DNAH12: variants seen among roughly 807,000 people sequenced by gnomAD.
DNAH12 encodes the protein axonemal beta dynein heavy chain 12.
In DNAH12, 285 loss-of-function variants were observed where a neutral mutation model predicts 371.5. The ratio of observed to expected loss-of-function variants is 0.77; its 90% CI spans 0.70 to 0.85. The LOEUF (loss-of-function observed/expected upper bound fraction) is 0.85, where lower values mean the gene tolerates loss of function less well. Ranked by LOEUF, DNAH12 falls within the 40% of genes least tolerant of loss-of-function variation. The pLI is 0.00. For synonymous variants in DNAH12, 1,200 were observed against 1,213.0 expected (o/e 0.99, Z 0.22); for missense variants, 3,611 against 3,689.4 (o/e 0.98, Z 0.55).
intron 60 of DNAH12, among the ~76,000 whole-genome samples, chr3:57,347,399 T>A (rs2153319020): frequency 6.6e-6 from 1 of 152,182 alleles, no homozygotes; most frequent in Middle Eastern, 3.4e-3. Context: ...TAAAACCATA[T>A]GATCCTATCA....
chr3:57,308,604 TCAA>T (rs2061519998), intron 69 of DNAH12, among the ~76,000 whole-genome samples: 1 of 152,162 alleles, frequency 6.6e-6, no homozygotes, highest in South Asian at 2.1e-4. Flanking sequence ...TTCACCATTC[TCAA>T]CTACTCATAA....
At chr3:57,447,996 G>A (rs1575613360) in intron 25 of DNAH12, among the ~76,000 whole-genome samples, 1 of 152,114 alleles carries the variant, frequency 6.6e-6, no homozygotes, top group Non-Finnish European at 1.5e-5. Flanking sequence ...AATTTATAAT[G>A]GATGCCATAT....
chr3:57,526,742 CT>C (rs1210756145), intron 2 of DNAH12, among the ~76,000 whole-genome samples: 3 of 151,880 alleles, frequency 2.0e-5, no homozygotes, highest in Non-Finnish European at 4.4e-5. Flanking sequence ...CCAGGATGGT[CT>C]CGATTTCCTG....
At chr3:57,466,329 A>G (rs969899921) in intron 17 of DNAH12, among the ~76,000 whole-genome samples, 11 of 152,230 alleles carry the variant, frequency 7.2e-5, no homozygotes, top group Non-Finnish European at 1.3e-4. Flanking sequence ...TGAGTTATAC[A>G]GGTGAGAACC....
At chr3:57,371,564 G>T (rs1163145123) in intron 55 of DNAH12, among the ~76,000 whole-genome samples, 4 of 151,852 alleles carry the variant, frequency 2.6e-5, no homozygotes, top group Non-Finnish European at 5.9e-5. Flanking sequence ...TGTAGTTCCA[G>T]CTACATCAGG....
chr3:57,316,382 G>T (rs1189843299), intron 65 of DNAH12, among the ~76,000 whole-genome samples: 2 of 152,008 alleles, frequency 1.3e-5, no homozygotes, highest in African/African-American at 4.8e-5. Context: ...GGTCCTTATT[G>T]CTCTTTCAAC....
chr3:57,479,041 A>T (rs1450680400), intron 13 of DNAH12, among the ~76,000 whole-genome samples: 1 of 152,206 alleles, frequency 6.6e-6, no homozygotes, highest in African/African-American at 2.4e-5. Flanking sequence ...ACCAGCTAAC[A>T]TCTTAATGAC....
intron 32 of DNAH12, among the ~76,000 whole-genome samples, chr3:57,432,575 C>T (rs968302282): frequency 3.3e-5 from 5 of 152,052 alleles, no homozygotes; most frequent in African/African-American, 9.7e-5. Flanking sequence ...TATATTCACA[C>T]ACTAGGATAC....
At chr3:57,381,565 T>A (rs2063391091) in intron 50 of DNAH12, among the ~76,000 whole-genome samples, 1 of 152,134 alleles carries the variant, frequency 6.6e-6, no homozygotes, top group Non-Finnish European at 1.5e-5. Flanking sequence ...CTAATTCTCT[T>A]ATTAGCTTTT....
At chr3:57,526,878 G>A (rs1204601354) in intron 2 of DNAH12, among the ~76,000 whole-genome samples, 1 of 151,642 alleles carries the variant, frequency 6.6e-6, no homozygotes, top group Non-Finnish European at 1.5e-5. Context: ...CTGTCACCCA[G>A]GTTGGGGTGT....
chr3:57,549,260 A>G (rs138659756), upstream of DNAH12, among the ~76,000 whole-genome samples: 1 of 151,804 alleles, frequency 6.6e-6, no homozygotes, highest in Non-Finnish European at 1.5e-5. Flanking sequence ...CCACAGCTGT[A>G]ATCCCAGCAC....
chr3:57,347,067 T>G (rs1348782764), intron 60 of DNAH12, among the ~76,000 whole-genome samples: 2 of 152,170 alleles, frequency 1.3e-5, no homozygotes, highest in African/African-American at 4.8e-5. Context: ...AGGAAGAAAT[T>G]AAACCAATTC....
At chr3:57,378,649 A>G (rs1269373362) in intron 52 of DNAH12, among the ~76,000 whole-genome samples, 1 of 152,172 alleles carries the variant, frequency 6.6e-6, no homozygotes, top group Non-Finnish European at 1.5e-5. Context: ...AAATTTAGAA[A>G]ATGCTCTTAA....
chr3:57,374,389 T>C (rs1193826355), intron 55 of DNAH12, among the ~76,000 whole-genome samples: 1 of 152,178 alleles, frequency 6.6e-6, no homozygotes, highest in African/African-American at 2.4e-5. Flanking sequence ...TAAAATTAGA[T>C]GATAGTGTCA....
In DNAH12 at chr3:57,429,756, C is replaced by T; in HGVS notation, c.4999G>A (p.Glu1667Lys). Reference protein sequence around the residue: ...DNKKLCLMSGEIIQMSPQMSL... With the variant: ...DNKKLCLMSGKIIQMSPQMSL... ...ATTTGGGGGGACATCTGAATGATTT[C>T]TCCACTCATAAGGCAAAGCTAAAAG... is the stretch of plus-strand genomic sequence containing the variant. Residue 1667 changes from glutamate (E) to lysine (K), a missense_variant, in exon 33 of 74, where the codon GAA becomes AAA. Physicochemically the swap from Glu to Lys is moderately conservative, Grantham distance 56. This residue lies in a region of DNAH12 where 2,266 missense variants were observed against 2,236.9 expected (regional missense o/e 1.01). Coordinates refer to ENST00000495027, the MANE Select transcript of DNAH12 (RefSeq NM_001366028.2). The T allele has an allele frequency of 6.5e-7, 1 of 1,526,984 alleles. No individual in the cohort carries two copies. The highest frequency in any genetic ancestry group is 8.8e-7 in the Non-Finnish European group (1 of 1,139,156). 94.6% of individuals were successfully genotyped at this position (1,526,984 alleles called of 1,614,324 possible).
At chr3:57,555,531 CT>C in the DNAH12 span, among the ~76,000 whole-genome samples, 1 of 152,282 alleles carries the variant, frequency 6.6e-6, no homozygotes, top group South Asian at 2.1e-4. Flanking sequence ...AAGTGACAAC[CT>C]GTCTCTAATA....
At chr3:57,483,950 C>CAAAA (rs71088079) in intron 12 of DNAH12, among the ~76,000 whole-genome samples, 63 of 63,626 alleles carry the variant, frequency 9.9e-4, no homozygotes, top group African/African-American at 1.9e-3. Flanking sequence ...GACCCTGTCT[C>CAAAA]AAAAAAAAAA....
chr3:57,470,708 G>A, intron 15 of DNAH12, 72 bp from the exon 16 acceptor site: 1 of 1,231,822 alleles, frequency 8.1e-7, no homozygotes, highest in Non-Finnish European at 1.1e-6. Context: ...CTATGATACT[G>A]TGTACAATAT....
intron 17 of DNAH12, 84 bp downstream of exon 17, chr3:57,468,652 A>G: frequency 1.3e-6 from 1 of 782,700 alleles, no homozygotes; most frequent in Non-Finnish European, 1.8e-6. Context: ...AAACCAGAAG[A>G]TAGGCTTTAT....
Sources: gnomAD v4.1 joint callset for allele counts (sites outside exome capture counted in the v4.1 genomes callset) on GRCh38, gnomAD v4.1.1 for gene constraint, gnomAD v4.1.1 regional missense constraint, MANE v1.5 for transcripts, NCBI Gene and HGNC (gene_info 2026-07-23, HGNC 2026-07-21) for gene names.